The following SUGP2 variants were observed in gnomAD, a reference collection of about 807,000 sequenced individuals.
SUGP2 encodes SURP and G-patch domain-containing protein 2.
A neutral mutation model predicts 90.5 loss-of-function variants in SUGP2; 24 were observed. That is an observed-to-expected ratio of 0.27 (90% confidence interval 0.19 to 0.37). SUGP2 has a LOEUF of 0.37. Ranked by LOEUF, SUGP2 falls within the 10% of genes least tolerant of loss-of-function variation. SUGP2 has a pLI of 1.00. For missense variants in SUGP2, 1,233 were observed against 1,363.3 expected (o/e 0.90, Z 1.51); for synonymous variants, 473 against 513.4 (o/e 0.92, Z 1.06).
chr19:19,033,565 A>T, upstream of SUGP2: 1 of 1,245,082 alleles, frequency 8.0e-7, no homozygotes, highest in Non-Finnish European at 1.0e-6. Context: ...CGCAGGCGCA[A>T]GCCGCCGCCG....
In SUGP2 at chr19:19,001,659, C is replaced by G. The variant is rs751621128; in HGVS notation, c.2945G>C (p.Arg982Pro). ...IQEPKVHEPV[R>P]IAYDRPRGRP... ...ACCCCGAGGCCTGTCATAGGCAATT[C>G]GAACTGGTTCATGGACTAGAAGACA... The change falls in exon 8 of 11, where the codon CGA becomes CCA. Residue 982 changes from arginine to proline, a missense_variant. Coordinates refer to ENST00000452918, the MANE Select transcript of SUGP2 (RefSeq NM_001017392.5). 3 of 1,614,192 alleles carry G rather than the reference C, an allele frequency of 1.9e-6. No homozygotes were observed. The highest frequency in any genetic ancestry group is 2.5e-6 in the Non-Finnish European group (3 of 1,180,036).
intron 2 of SUGP2, among the ~76,000 whole-genome samples, chr19:19,029,786 C>CA (rs2059079321): frequency 6.6e-6 from 1 of 151,328 alleles, no homozygotes; most frequent in African/African-American, 2.4e-5. Flanking sequence ...AAAATAAATA[C>CA]AAAAAAATTA....
rs2058901911 is a variant in SUGP2 at position 19,025,789 on chromosome 19, CCTT to C, written c.556_558del (p.Lys186del). 6 of 1,613,996 alleles carry C rather than the reference CCTT, an allele frequency of 3.7e-6. No individual in the cohort carries two copies. The highest frequency in any genetic ancestry group is 5.1e-6 in the Non-Finnish European group (6 of 1,180,016). ...TGGTCCACGTCATAATCCCGACTCT[CCTT>C]CTCCAAACACTCTTTCTCAATCAGC... On this transcript the variant is annotated inframe_deletion, in exon 3 of 11. Transcript: ENST00000452918.
At chr19:19,024,307 C>A (rs1298833492) in intron 3 of SUGP2, among the ~76,000 whole-genome samples, 2 of 152,056 alleles carry the variant, frequency 1.3e-5, no homozygotes, top group African/African-American at 4.8e-5. Context: ...GATGGGGTTT[C>A]ACCATGTTGG....
chr19:19,028,986 C>T (rs530746150), intron 2 of SUGP2, among the ~76,000 whole-genome samples: 4 of 152,068 alleles, frequency 2.6e-5, no homozygotes, highest in South Asian at 4.1e-4. Context: ...TGCACCTGGC[C>T]GTCTTTTTTT....
chr19:19,032,470 C>CT (rs1442190645), intron 1 of SUGP2, among the ~76,000 whole-genome samples: 1 of 152,098 alleles, frequency 6.6e-6, no homozygotes, highest in Non-Finnish European at 1.5e-5. Context: ...CAGGATCACT[C>CT]TTTTCCCATT....
At chr19:19,009,596 G>A (rs1025149016) in intron 5 of SUGP2, among the ~76,000 whole-genome samples, 4 of 152,196 alleles carry the variant, frequency 2.6e-5, no homozygotes, top group African/African-American at 9.7e-5. Context: ...GGACCCTGTC[G>A]GGGAGCACGA....
At chr19:18,997,163 C>T (rs1436087851) in intron 8 of SUGP2, among the ~76,000 whole-genome samples, 1 of 152,134 alleles carries the variant, frequency 6.6e-6, no homozygotes, top group Admixed American at 6.6e-5. Flanking sequence ...ACAAATCCCC[C>T]CCTTGCCATC....
chr19:19,020,517 C>T (rs1201602081), intron 3 of SUGP2, among the ~76,000 whole-genome samples: 2 of 150,648 alleles, frequency 1.3e-5, no homozygotes, highest in African/African-American at 2.4e-5. Context: ...CATGACAGCT[C>T]ACTGCAGCCT....
intron 3 of SUGP2, among the ~76,000 whole-genome samples, chr19:19,023,944 T>C (rs1246393312): frequency 6.6e-6 from 1 of 150,760 alleles, no homozygotes; most frequent in African/African-American, 2.4e-5. Context: ...TTTCAAAGGT[T>C]AAAAAGAAAA....
At chr19:19,002,505 G>GTTTTTTTT (rs58282570) in intron 7 of SUGP2, among the ~76,000 whole-genome samples, 4 of 61,124 alleles carry the variant, frequency 6.5e-5, no homozygotes, top group Non-Finnish European at 1.1e-4. Context: ...TAGCAAGTCT[G>GTTTTTTTT]TTTTTTTTTT....
In SUGP2 at chr19:19,024,750, G is replaced by A; in HGVS notation, c.1598C>T (p.Ala533Val). The change falls in exon 3 of 11, where the codon GCC (alanine) becomes GTC (valine). Residue 533 changes from alanine to valine, a missense_variant. Physicochemically the swap from Ala to Val is moderately conservative, Grantham distance 64. This residue lies in a region of SUGP2 where 540 missense variants were observed against 542.6 expected (regional missense o/e 1.00). Coordinates refer to ENST00000452918, the MANE Select transcript of SUGP2 (RefSeq NM_001017392.5). ...FGREYIDHLK[A>V]WLVSSGCPLQ... The stretch of plus-strand genomic sequence containing the variant: ...GGGACATCCGCTGCTGACTAGCCAG[G>A]CCTTCAGGTGGTCTATGTACTCTCG... 6.2e-7 allele frequency: 1 copy of A among 1,614,170 alleles called. No homozygotes were observed. The highest frequency in any genetic ancestry group is 8.5e-7 in the Non-Finnish European group (1 of 1,180,044).
In SUGP2 at chr19:19,033,431, C is replaced by G; in HGVS notation, c.-12+6G>C. On this transcript the variant is annotated splice_donor_region_variant and intron_variant, in intron 1 of 10. Transcript: ENST00000452918. ...CCCACCGACGACGCCAGGGCCCGGG[C>G]CTCACCCCGAGACCACCGCGCGCGG... 1 of 1,374,806 alleles carries G rather than the reference C, an allele frequency of 7.3e-7. No homozygotes were observed. Among genetic ancestry groups the G allele is most frequent in the Non-Finnish European group, 9.4e-7 (1 of 1,061,850 alleles). 85.2% of individuals were successfully genotyped at this position (1,374,806 alleles called of 1,614,324 possible).
chr19:19,000,451 G>T (rs1460602060), intron 8 of SUGP2, among the ~76,000 whole-genome samples: 1 of 152,208 alleles, frequency 6.6e-6, no homozygotes, highest in Non-Finnish European at 1.5e-5. Flanking sequence ...GGACAGTCGG[G>T]ACCTGGCACG....
rs2059132577 is a variant in SUGP2 at position 19,031,077 on chromosome 19, T to C, written c.-6A>G. 6.2e-7 allele frequency: 1 copy of C among 1,611,438 alleles called. No individual in the cohort carries two copies. Among genetic ancestry groups the C allele is most frequent in the Non-Finnish European group, 8.5e-7 (1 of 1,179,424 alleles). On this transcript the variant is annotated 5_prime_UTR_variant, in exon 2 of 11. Coordinates refer to ENST00000452918, the MANE Select transcript of SUGP2 (RefSeq NM_001017392.5). Reference sequence around the variant, plus strand: ...GTAATTCGTCTGGCTGCCATGTTATTTTGCCCTATGGTGAGAGAGAAAAAA... The same window carrying C: ...GTAATTCGTCTGGCTGCCATGTTATCTTGCCCTATGGTGAGAGAGAAAAAA...
Position 19,024,796 on chromosome 19 carries a change from C to T in SUGP2, c.1552G>A (p.Glu518Lys). ...APSPAAFPNFEDSTLFGREYI... is the reference protein window; with the variant it reads ...APSPAAFPNFKDSTLFGREYI... ...TCTCGCCCAAACAAAGTGGAGTCTTCGAAGTTTGGAAACGCAGCAGGTGAG... is the reference window on the plus strand; with the variant it reads ...TCTCGCCCAAACAAAGTGGAGTCTTTGAAGTTTGGAAACGCAGCAGGTGAG... The change falls in exon 3 of 11, where the codon GAA becomes AAA. Residue 518 changes from glutamate to lysine, a missense_variant. Glu to Lys is a moderately conservative substitution (Grantham distance 56). Around this residue, in one of 8 missense-constraint regions of SUGP2, gnomAD observed 540 missense variants for 542.6 expected, o/e 1.00. Transcript: ENST00000452918. 2 of 1,614,142 alleles carry T rather than the reference C, an allele frequency of 1.2e-6. No homozygotes were observed. Among genetic ancestry groups the T allele is most frequent in the Non-Finnish European group, 8.5e-7 (1 of 1,180,034 alleles).
intron 8 of SUGP2, among the ~76,000 whole-genome samples, chr19:18,997,453 G>A (rs2057648173): frequency 6.6e-6 from 1 of 152,108 alleles, no homozygotes; most frequent in African/African-American, 2.4e-5. Flanking sequence ...GAGAGGTGCT[G>A]AGAACTCAAC....
intron 8 of SUGP2, among the ~76,000 whole-genome samples, chr19:18,996,535 G>A (rs1242703149): frequency 1.3e-5 from 2 of 151,862 alleles, no homozygotes; most frequent in Non-Finnish European, 2.9e-5. Context: ...ATAGGTATGT[G>A]CCACTGCACC....
At chr19:19,012,470 T>C (rs185893309) in intron 4 of SUGP2, among the ~76,000 whole-genome samples, 64 of 152,252 alleles carry the variant, frequency 4.2e-4, no homozygotes, top group Non-Finnish European at 5.9e-5. Context: ...CAAGTTCCAG[T>C]GGAACATAAC....
Sources: allele counts gnomAD v4.1 joint callset (sites outside exome capture counted in the v4.1 genomes callset), GRCh38; gene constraint gnomAD v4.1.1; regional missense constraint gnomAD v4.1.1; transcripts MANE v1.5; gene names NCBI Gene and HGNC (gene_info 2026-07-23, HGNC 2026-07-21).